INPP1: variants seen among roughly 807,000 people sequenced by gnomAD.
The protein encoded by INPP1 is inositol polyphosphate-1-phosphatase, also known as inositol polyphosphate 1-phosphatase.
In INPP1, 18 loss-of-function variants were observed where a neutral mutation model predicts 23.0. That is an observed-to-expected ratio of 0.78 (90% CI 0.54 to 1.16). The LOEUF is 1.16. Ranked by LOEUF, INPP1 falls within the 50% of genes most tolerant of loss-of-function variation. The pLI is 0.00. For missense variants in INPP1, 448 were observed against 482.1 expected, an observed-to-expected ratio of 0.93 and a Z score of 0.66; for synonymous variants, 164 against 176.3, an observed-to-expected ratio of 0.93 and a Z score of 0.55.
chr2:190,368,550 A>G lies in INPP1; in HGVS notation c.467-553A>G, dbSNP rs1420465923. 2 of 152,238 alleles carry G rather than the reference A, an allele frequency of 1.3e-5. No homozygotes were observed. The highest frequency in any genetic ancestry group is 2.9e-5 in the Non-Finnish European group (2 of 68,050). The allele number at this position is 152,238 out of a possible 1,614,324, so 9.4% of individuals were successfully genotyped here. ...AGATGAGATGTTTTGACACAGGCAC[A>G]CAATGTGAGATAAGCACATCATAGA... On this transcript the variant is annotated intron_variant, in intron 5 of 6. Coordinates refer to ENST00000392329, the MANE Select transcript of INPP1 (RefSeq NM_001128928.2). The surrounding 1 kb of genome is among the most constrained non-coding windows in gnomAD (Gnocchi z 4.3).
At position 190,369,157 on chromosome 2, in the gene INPP1, T is replaced by A; in HGVS notation, c.521T>A (p.Ile174Asn). 2 of 1,607,866 alleles carry A rather than the reference T, an allele frequency of 1.2e-6. No individual in the cohort carries two copies. Among genetic ancestry groups the A allele is most frequent in the Non-Finnish European group, 1.7e-6 (2 of 1,175,168 alleles). Residue 174 changes from isoleucine to asparagine, a missense_variant, in exon 6 of 7, where the codon ATC becomes AAC. Ile to Asn is a moderately radical substitution (Grantham distance 149). Transcript: ENST00000392329. ...GSADIKSNQGIFPCGLQCVTI... is the reference protein window; with the variant it reads ...GSADIKSNQGNFPCGLQCVTI... ...GCTGACATTAAATCCAACCAGGGAA[T>A]CTTCCCCTGTGGACTTCAGTGTGTC...
chr2:190,366,038 TCTCA>T (rs1689649290), intron 4 of INPP1, among the ~76,000 whole-genome samples: 1 of 120,446 alleles, frequency 8.3e-6, no homozygotes, highest in African/African-American at 3.5e-5. Context: ...TCGCTCTCTG[TCTCA>T]CTCTTTTGCT....
intron 3 of INPP1, among the ~76,000 whole-genome samples, chr2:190,361,602 A>T (rs1689534970): frequency 6.6e-6 from 1 of 152,226 alleles, no homozygotes; most frequent in Non-Finnish European, 1.5e-5. Context: ...TTTGCCTCAA[A>T]GCATTATAAA....
Position 190,369,245 on chromosome 2 carries a change from AC to A in INPP1, c.611del (p.Pro204LeufsTer60). 6.3e-7 allele frequency: 1 copy of A among 1,594,102 alleles called. No individual in the cohort carries two copies. The highest frequency in any genetic ancestry group is 8.6e-7 in the Non-Finnish European group (1 of 1,165,368). ...TTCCCCTGATGGGAGTCATCAATCA[AC>A]CTTTTGTGTCACGAGATCCAAACAC... ...GVPLMGVINQ[P>X]FVSRDPNTLR... On this transcript the variant is annotated frameshift_variant, in exon 6 of 7. Transcript: ENST00000392329. LOFTEE classifies it low-confidence loss of function (END_TRUNC).
chr2:190,370,653 G>A (rs1311569890), intron 6 of INPP1, among the ~76,000 whole-genome samples, 191 bp from the exon 7 acceptor site: 1 of 152,108 alleles, frequency 6.6e-6, no homozygotes, highest in African/African-American at 2.4e-5. Flanking sequence ...AACAACTCAG[G>A]CAGCTGCATG....
rs1489184489 is a variant in INPP1, at chr2:190,360,141, G to A, written c.39G>A (p.Glu13=). The A allele has an allele frequency of 6.2e-7, 1 of 1,613,830 alleles. No homozygotes were observed. Among genetic ancestry groups the A allele is most frequent in the African/African-American group, 1.3e-5 (1 of 74,932 alleles). ...TCCGGGAGCTGCTCTGTGTCTCTGAGAAGGCTGCTAACATTGCCCGGGCGT... is the reference window on the plus strand; with the variant it reads ...TCCGGGAGCTGCTCTGTGTCTCTGAAAAGGCTGCTAACATTGCCCGGGCGT... The part of the protein sequence containing the change: ...DILRELLCVS[E]KAANIARACR... The change falls in exon 3 of 7, where the codon GAG becomes GAA. Residue 13 remains glutamate, a synonymous_variant. Transcript: ENST00000392329.
In INPP1 at chr2:190,354,844, G is replaced by C. The variant is rs959902352; in HGVS notation, c.-64-5195G>C. ...CTTAACAGAGGCTGAAGATCAGCTG[G>C]AGAAAAGGTTTTTCTGAGAGTAAAA... On this transcript the variant is annotated intron_variant, in intron 2 of 6. Coordinates refer to ENST00000392329, the MANE Select transcript of INPP1 (RefSeq NM_001128928.2). This position sits in a 1 kb window ranked among gnomAD's most constrained non-coding sequence, Gnocchi z 4.8. 6.6e-6 allele frequency among the ~76,000 whole-genome samples: 1 copy of C among 152,048 alleles called. No individual in the cohort carries two copies. The highest frequency in any genetic ancestry group is 1.5e-5 in the Non-Finnish European group (1 of 68,028).
intron 4 of INPP1, among the ~76,000 whole-genome samples, chr2:190,365,414 T>G (rs1022090845): frequency 1.3e-5 from 2 of 152,230 alleles, no homozygotes; most frequent in African/African-American, 4.8e-5. Flanking sequence ...TTCGGTGTGT[T>G]GAAAAACCTC....
At chr2:190,350,647 T>C (rs975844805) in intron 2 of INPP1, among the ~76,000 whole-genome samples, 5 of 152,170 alleles carry the variant, frequency 3.3e-5, no homozygotes. Context: ...AGAGCAAGTG[T>C]AGACTGACCA....
chr2:190,361,470 G>T (rs150138956), intron 3 of INPP1, among the ~76,000 whole-genome samples: 2 of 152,194 alleles, frequency 1.3e-5, no homozygotes, highest in Admixed American at 1.3e-4. Flanking sequence ...ATAAAATCTT[G>T]CTCCGATAAA....
At position 190,371,531 on chromosome 2, in the gene INPP1, C is replaced by A; in HGVS notation, c.*129C>A. ...CCTTCCTCTTTTGAGGAGTATTTTT[C>A]CATTATGTATTCATAATAATGTTAA... is the stretch of plus-strand genomic sequence containing the variant. On this transcript the variant is annotated 3_prime_UTR_variant, in exon 7 of 7. Transcript: ENST00000392329. This position sits in a 1 kb window ranked among gnomAD's most constrained non-coding sequence, Gnocchi z 5.3. 1.7e-6 allele frequency: 1 copy of A among 575,878 alleles called. No individual in the cohort carries two copies. The highest frequency in any genetic ancestry group is 2.9e-6 in the Non-Finnish European group (1 of 347,214). 35.7% of individuals were successfully genotyped at this position (575,878 alleles called of 1,614,324 possible).
At position 190,354,925 on chromosome 2, in the gene INPP1, G is replaced by GGTGTGTGTGTGTGTGT. The variant is rs71027214; in HGVS notation, c.-64-5108_-64-5093dup. ...AACCTAGTGACAGATATCAACTAGGGGTGTGTGTGTGTGTGTGTGTGCATT... is the reference window on the plus strand; with the variant it reads ...AACCTAGTGACAGATATCAACTAGGGGTGTGTGTGTGTGTGTGTGTGTGTGTGTGTGTGTGTGCATT... On this transcript the variant is annotated intron_variant, in intron 2 of 6. Coordinates refer to ENST00000392329, the MANE Select transcript of INPP1 (RefSeq NM_001128928.2). This position sits in a 1 kb window ranked among gnomAD's most constrained non-coding sequence, Gnocchi z 4.8. Among the ~76,000 whole-genome samples, 6,430 of 146,506 alleles carry GGTGTGTGTGTGTGTGT rather than the reference G, an allele frequency of 0.044. 360 individuals carry two copies. Among genetic ancestry groups the GGTGTGTGTGTGTGTGT allele is most frequent in the African/African-American group, 0.12 (4,867 of 39,316 alleles).
intron 2 of INPP1, among the ~76,000 whole-genome samples, chr2:190,357,011 T>C (rs933832118): frequency 6.6e-6 from 1 of 152,238 alleles, no homozygotes; most frequent in South Asian, 2.1e-4. Context: ...TGCCATCAAT[T>C]ATTTCTAAGG....
At chr2:190,350,589 G>A (rs1465350595) in intron 2 of INPP1, among the ~76,000 whole-genome samples, 1 of 152,186 alleles carries the variant, frequency 6.6e-6, no homozygotes, top group Non-Finnish European at 1.5e-5. Flanking sequence ...CAGCTTCAGT[G>A]AGCAAAAATG....
At chr2:190,364,555 A>ATT (rs757559467) in intron 4 of INPP1, among the ~76,000 whole-genome samples, 28 of 136,472 alleles carry the variant, frequency 2.1e-4, no homozygotes, top group South Asian at 2.3e-4. Context: ...AAAAAAAAAA[A>ATT]TTTCAGTAGG....
intron 4 of INPP1, among the ~76,000 whole-genome samples, chr2:190,365,780 ACTCTCT>A (rs900173656): frequency 6.6e-6 from 1 of 150,844 alleles, no homozygotes; most frequent in South Asian, 2.1e-4. Context: ...TCACTGGCTC[ACTCTCT>A]CTCTGTCTCT....
chr2:190,365,505 T>A (rs1244030579), intron 4 of INPP1, among the ~76,000 whole-genome samples: 2 of 152,210 alleles, frequency 1.3e-5, no homozygotes, highest in Non-Finnish European at 2.9e-5. Flanking sequence ...TTAAAAAGAT[T>A]AATGATCAGG....
At chr2:190,359,964 T>G (rs1030189396) in intron 2 of INPP1, 75 bp from the exon 3 acceptor site, 5 of 741,266 alleles carry the variant, frequency 6.7e-6, no homozygotes, top group Non-Finnish European at 1.1e-5. Flanking sequence ...GCCAAATGGG[T>G]TGTTAGTAGT....
In INPP1 at chr2:190,360,299, A is replaced by C. The variant is rs1689511706; in HGVS notation, c.197A>C (p.Glu66Ala). The C allele has an allele frequency of 6.2e-7, 1 of 1,613,882 alleles. No homozygotes were observed. The highest frequency in any genetic ancestry group is 8.5e-7 in the Non-Finnish European group (1 of 1,179,900). Reference sequence around the variant, plus strand: ...CAGGAAGTTATAAAACAGAATATGGAGAACAAGGTAAGAAAGGTCATAGCC... The same window carrying C: ...CAGGAAGTTATAAAACAGAATATGGCGAACAAGGTAAGAAAGGTCATAGCC... ...LVQEVIKQNMENKFPGLEKNI... is the reference protein window; with the variant it reads ...LVQEVIKQNMANKFPGLEKNI... Residue 66 changes from glutamate to alanine, a missense_variant, in exon 3 of 7, where the codon GAG becomes GCG. By Grantham distance (107) the Glu-to-Ala change is moderately radical. Coordinates refer to ENST00000392329, the MANE Select transcript of INPP1 (RefSeq NM_001128928.2).
Sources: allele counts gnomAD v4.1 joint callset (sites outside exome capture counted in the v4.1 genomes callset), GRCh38; gene constraint gnomAD v4.1.1; non-coding constraint Gnocchi (gnomAD v3.1); transcripts MANE v1.5; gene names NCBI Gene and HGNC (gene_info 2026-07-23, HGNC 2026-07-21).